The following PAK2 variants were observed in gnomAD, a reference collection of about 807,000 sequenced individuals.
PAK2 encodes p21 (RAC1) activated kinase 2.
PAK2 carries 21 observed loss-of-function variants against 65.9 expected under a neutral mutation model. The ratio of observed to expected loss-of-function variants is 0.32; its 90% CI spans 0.23 to 0.46. PAK2 has a LOEUF of 0.46. Ranked by LOEUF, PAK2 falls within the 20% of genes least tolerant of loss-of-function variation. PAK2 has a pLI of 1.00. For missense variants in PAK2, 324 were observed against 642.6 expected (o/e 0.50, Z 5.36); for synonymous variants, 204 against 219.7 (o/e 0.93, Z 0.63).
intron 2 of PAK2, among the ~76,000 whole-genome samples, chr3:196,787,983 A>G (rs1714949825): frequency 6.6e-6 from 1 of 152,208 alleles, no homozygotes; most frequent in Non-Finnish European, 1.5e-5. Context: ...TCATCACCCT[A>G]GTGGTTGCCT....
chr3:196,763,133 A>G (rs1714041820), intron 1 of PAK2, among the ~76,000 whole-genome samples: 1 of 152,136 alleles, frequency 6.6e-6, no homozygotes. Context: ...TATTGGAGAG[A>G]GCGTGGTTGT....
chr3:196,777,376 A>T (rs1305329448), intron 1 of PAK2, among the ~76,000 whole-genome samples: 1 of 151,858 alleles, frequency 6.6e-6, no homozygotes, highest in Non-Finnish European at 1.5e-5. Context: ...GCTAATTTTT[A>T]AATTTTTAGT....
At chr3:196,804,697 C>T (rs1560110270) in intron 4 of PAK2, among the ~76,000 whole-genome samples, 1 of 151,980 alleles carries the variant, frequency 6.6e-6, no homozygotes, top group Non-Finnish European at 1.5e-5. Context: ...GAACTCCCAA[C>T]CTCAGGTGAT....
intron 8 of PAK2, among the ~76,000 whole-genome samples, chr3:196,811,148 T>A (rs747722427): frequency 2.6e-5 from 4 of 151,194 alleles, no homozygotes; most frequent in Non-Finnish European, 4.4e-5. Flanking sequence ...ATTCTGTGAA[T>A]TTAGAGTGAG....
intron 11 of PAK2, among the ~76,000 whole-genome samples, chr3:196,814,777 G>A (rs932758874): frequency 5.9e-5 from 9 of 152,128 alleles, no homozygotes; most frequent in African/African-American, 1.4e-4. Flanking sequence ...GGAATGAATT[G>A]TGGACCTTTG....
chr3:196,759,841 T>A (rs947063523), intron 1 of PAK2, among the ~76,000 whole-genome samples: 1 of 152,056 alleles, frequency 6.6e-6, no homozygotes, highest in African/African-American at 2.4e-5. Context: ...GTGGGTTTTT[T>A]AAGTGTGCTC....
chr3:196,783,273 C>T (rs1714769397), intron 2 of PAK2, among the ~76,000 whole-genome samples: 1 of 152,100 alleles, frequency 6.6e-6, no homozygotes, highest in Non-Finnish European at 1.5e-5. Context: ...TCAGAAGTGT[C>T]GGAGGCAGCC....
chr3:196,748,285 T>C (rs1713458042), intron 1 of PAK2, among the ~76,000 whole-genome samples: 1 of 152,176 alleles, frequency 6.6e-6, no homozygotes, highest in African/African-American at 2.4e-5. Context: ...ATCAACATCC[T>C]GCATCACTGT....
At chr3:196,741,493 C>T (rs1370180635) in intron 1 of PAK2, among the ~76,000 whole-genome samples, 1 of 152,168 alleles carries the variant, frequency 6.6e-6, no homozygotes, top group African/African-American at 2.4e-5. Flanking sequence ...GTGTCATCCT[C>T]GGCTATTAAA....
In PAK2 at chr3:196,748,362, G is replaced by A. The variant is rs115094853; in HGVS notation, c.-22+8205G>A. Among the ~76,000 whole-genome samples the A allele has an allele frequency of 4.4e-3, 665 of 152,166 alleles. 4 individuals carry two copies. Among genetic ancestry groups the A allele is most frequent in the African/African-American group, 0.015 (632 of 41,504 alleles). ...TCACTGCCCAAAGCCCACAGTTTAC[G>A]TTAGGGTTTGCTCGTATGGTATTGT... On this transcript the variant is annotated intron_variant, in intron 1 of 14. Transcript: ENST00000327134.
intron 2 of PAK2, 47 bp downstream of exon 2, chr3:196,782,880 T>G (rs768548853): frequency 7.8e-5 from 100 of 1,279,482 alleles, no homozygotes; most frequent in South Asian, 3.6e-4. Flanking sequence ...GGTTTATTAT[T>G]GTATGTTACC....
intron 1 of PAK2, among the ~76,000 whole-genome samples, chr3:196,762,266 A>G (rs1466669517): frequency 1.7e-5 from 2 of 114,680 alleles, no homozygotes; most frequent in Admixed American, 8.4e-5. Flanking sequence ...GCGGCCAGGC[A>G]GAGACACTCC....
At chr3:196,808,050 G>A in intron 7 of PAK2, 136 bp downstream of exon 7, 1 of 750,108 alleles carries the variant, frequency 1.3e-6, no homozygotes, top group Non-Finnish European at 2.1e-6. Context: ...AGCAACAGTA[G>A]CTTCAATTAC....
At chr3:196,792,425 C>T (rs937516796) in intron 2 of PAK2, among the ~76,000 whole-genome samples, 1 of 152,142 alleles carries the variant, frequency 6.6e-6, no homozygotes, top group African/African-American at 2.4e-5. Flanking sequence ...AATTGTGTTT[C>T]AGTAAAGAGA....
chr3:196,792,170 A>G (rs1336974190), intron 2 of PAK2, among the ~76,000 whole-genome samples: 3 of 152,184 alleles, frequency 2.0e-5, no homozygotes, highest in Admixed American at 1.3e-4. Context: ...TGCATAGAGG[A>G]AAGGTGAGGG....
chr3:196,760,835 C>A (rs1057385397), intron 1 of PAK2, among the ~76,000 whole-genome samples: 1 of 152,250 alleles, frequency 6.6e-6, no homozygotes, highest in Admixed American at 6.5e-5. Flanking sequence ...TGAGTTTAAA[C>A]GTTTGTTGGT....
intron 2 of PAK2, among the ~76,000 whole-genome samples, chr3:196,787,299 G>A (rs1216568570): frequency 1.3e-5 from 2 of 151,860 alleles, no homozygotes; most frequent in Non-Finnish European, 2.9e-5. Flanking sequence ...ATAGACTTTG[G>A]GCCGGGCACC....
intron 2 of PAK2, among the ~76,000 whole-genome samples, chr3:196,794,982 C>T (rs1406060812): frequency 6.6e-6 from 1 of 152,200 alleles, no homozygotes; most frequent in East Asian, 1.9e-4. Context: ...TACAGAGACT[C>T]TCTAAGCAAA....
intron 2 of PAK2, chr3:196,784,908 T>C (rs1156280235): frequency 6.6e-6 from 1 of 152,134 alleles, no homozygotes; most frequent in Non-Finnish European, 1.5e-5. Flanking sequence ...GACTTTTTAA[T>C]GATTGCCATT....
Sources: gnomAD v4.1 joint callset for allele counts (sites outside exome capture counted in the v4.1 genomes callset) on GRCh38, gnomAD v4.1.1 for gene constraint, MANE v1.5 for transcripts, NCBI Gene and HGNC (gene_info 2026-07-23, HGNC 2026-07-21) for gene names.